BAZ1A: variants seen among roughly 807,000 people sequenced by gnomAD.
BAZ1A encodes the protein bromodomain adjacent to zinc finger domain 1A, also known as bromodomain adjacent to zinc finger domain protein 1A.
BAZ1A carries 50 observed loss-of-function variants against 185.2 expected under a neutral mutation model. That is an observed-to-expected ratio of 0.27 (90% CI 0.22 to 0.34). The LOEUF is 0.34. BAZ1A is among the 10% of genes least tolerant of loss of function. The pLI is 1.00. For synonymous variants in BAZ1A, 571 were observed against 615.6 expected, an observed-to-expected ratio of 0.93 and a Z score of 1.07; for missense variants, 1,356 against 1,839.9, an observed-to-expected ratio of 0.74 and a Z score of 4.81.
intron 16 of BAZ1A, 76 bp downstream of exon 16, chr14:34,783,043 T>G: frequency 8.7e-7 from 1 of 1,147,584 alleles, no homozygotes; most frequent in Non-Finnish European, 1.3e-6. Context: ...TGTGAAAGCA[T>G]TTTTAGAGTT....
intron 23 of BAZ1A, among the ~76,000 whole-genome samples, chr14:34,763,840 T>C (rs1228493937): frequency 1.3e-5 from 2 of 152,234 alleles, no homozygotes; most frequent in Non-Finnish European, 2.9e-5. Context: ...GTAAACATAA[T>C]TTTTATATGC....
rs1879208167 is a variant in BAZ1A, at chr14:34,771,422, A to T, written c.3301+89T>A. On this transcript the variant is annotated intron_variant, in intron 21 of 26. Coordinates refer to ENST00000360310, the MANE Select transcript of BAZ1A (RefSeq NM_013448.3). Reference sequence around the variant, plus strand: ...AGTTTTTAAGATTATCAATTTCATTATGTCAGCCAATAAAGTTCTATTAGT... The same window carrying T: ...AGTTTTTAAGATTATCAATTTCATTTTGTCAGCCAATAAAGTTCTATTAGT... The T allele has an allele frequency of 5.7e-6, 7 of 1,227,824 alleles. No individual in the cohort carries two copies. In the East Asian group the frequency reaches 1.7e-4, roughly 30 times the overall value. 76.1% of individuals were successfully genotyped at this position (1,227,824 alleles called of 1,614,324 possible). A position where few individuals can be genotyped will look rare whatever the true frequency, so the allele number is the denominator to read the frequency against.
chr14:34,801,223 G>T (rs764066511), intron 7 of BAZ1A, 30 bp from the exon 8 acceptor site: 1 of 1,485,024 alleles, frequency 6.7e-7, no homozygotes, highest in Non-Finnish European at 9.2e-7. Flanking sequence ...AGTATGCCTG[G>T]TTCTTATAGT....
intron 3 of BAZ1A, 72 bp downstream of exon 3, chr14:34,861,972 C>A: frequency 2.0e-6 from 3 of 1,515,986 alleles, no homozygotes; most frequent in Non-Finnish European, 2.7e-6. Flanking sequence ...CTTAGGTCAC[C>A]ACTTTGTGTG....
intron 4 of BAZ1A, chr14:34,816,592 T>A (rs1219840479): frequency 5.8e-6 from 1 of 172,544 alleles, no homozygotes; most frequent in Non-Finnish European, 1.3e-5. Flanking sequence ...AGCAGCCTGA[T>A]AGCTTTAAAT....
At chr14:34,844,789 A>G (rs1052548258) in intron 3 of BAZ1A, among the ~76,000 whole-genome samples, 16 of 146,838 alleles carry the variant, frequency 1.1e-4, no homozygotes, top group Middle Eastern at 3.5e-3. Context: ...ACACACACAC[A>G]CACACACACA....
chr14:34,758,658 A>T, intron 25 of BAZ1A, 46 bp downstream of exon 25: 2 of 1,586,440 alleles, frequency 1.3e-6, no homozygotes, highest in South Asian at 1.1e-5. Flanking sequence ...ACGTGGACTA[A>T]ATCAGATAAT....
chr14:34,873,161 C>G lies in BAZ1A; in HGVS notation c.113+1331G>C, dbSNP rs1180305725. Among the ~76,000 whole-genome samples, 3 of 152,086 alleles carry G rather than the reference C, an allele frequency of 2.0e-5. No homozygotes were observed. The South Asian group carries it at 6.2e-4, about 31-fold the overall frequency. On this transcript the variant is annotated intron_variant, in intron 2 of 26. Transcript: ENST00000360310. ...TACTTAAAATAAATGCTCAAAGGAA[C>G]TTTTCTAACCTCACTATTCATTTCT...
rs141903973 is a variant in BAZ1A at position 34,812,876 on chromosome 14, C to T, written c.537-1840G>A. On this transcript the variant is annotated intron_variant, in intron 4 of 26. Transcript: ENST00000360310. ...TAGCATTAAATTCTAAGTTGGAAGGCCAAGTATCTTTACACTAAGACTCAG... is the reference window on the plus strand; with the variant it reads ...TAGCATTAAATTCTAAGTTGGAAGGTCAAGTATCTTTACACTAAGACTCAG... Among the ~76,000 whole-genome samples, 933 of 151,596 alleles carry T rather than the reference C, an allele frequency of 6.2e-3. 17 individuals carry two copies. Among genetic ancestry groups the T allele is most frequent in the African/African-American group, 0.022 (901 of 41,342 alleles).
chr14:34,847,347 G>A (rs1223467453), intron 3 of BAZ1A, among the ~76,000 whole-genome samples: 1 of 151,476 alleles, frequency 6.6e-6, no homozygotes, highest in Non-Finnish European at 1.5e-5. Context: ...TTTATCTTAC[G>A]AATTCAGTAG....
intron 3 of BAZ1A, among the ~76,000 whole-genome samples, chr14:34,843,927 C>T (rs1484162340): frequency 3.3e-5 from 5 of 152,052 alleles, no homozygotes; most frequent in African/African-American, 4.8e-5. Context: ...TAAACACGGC[C>T]GGGCGCGGTG....
At chr14:34,796,688 A>AT (rs1881218202) in intron 9 of BAZ1A, among the ~76,000 whole-genome samples, 1 of 152,112 alleles carries the variant, frequency 6.6e-6, no homozygotes, top group South Asian at 2.1e-4. Flanking sequence ...ATATTTTACT[A>AT]TTTTTTCCAG....
At chr14:34,835,496 T>C (rs1308578602) in intron 3 of BAZ1A, among the ~76,000 whole-genome samples, 1 of 151,900 alleles carries the variant, frequency 6.6e-6, no homozygotes, top group Non-Finnish European at 1.5e-5. Flanking sequence ...GGAAACATTA[T>C]GTTGACCCAA....
chr14:34,838,606 C>T (rs1188671644), intron 3 of BAZ1A, among the ~76,000 whole-genome samples: 1 of 151,756 alleles, frequency 6.6e-6, no homozygotes, highest in Non-Finnish European at 1.5e-5. Flanking sequence ...ACTGCAACCT[C>T]CTCCGCCTCC....
At chr14:34,753,757 AAATAT>A (rs1886119596) in intron 26 of BAZ1A, 53 bp from the exon 27 acceptor site, 27 of 1,336,134 alleles carry the variant, frequency 2.0e-5, no homozygotes, top group Non-Finnish European at 2.7e-5. Flanking sequence ...AAATTATAAT[AAATAT>A]AATTCTTGTA....
chr14:34,827,976 T>G (rs1259609803), intron 3 of BAZ1A, among the ~76,000 whole-genome samples: 1 of 152,016 alleles, frequency 6.6e-6, no homozygotes, highest in Non-Finnish European at 1.5e-5. Flanking sequence ...GCCATGATTT[T>G]AGACTCATTC....
intron 2 of BAZ1A, among the ~76,000 whole-genome samples, chr14:34,869,176 T>C (rs1000644118): frequency 1.1e-4 from 17 of 151,700 alleles, no homozygotes; most frequent in Non-Finnish European, 1.8e-4. Context: ...GACTGCACTC[T>C]AGCCTGGGTG....
intron 4 of BAZ1A, among the ~76,000 whole-genome samples, chr14:34,819,110 C>T (rs891873473): frequency 3.7e-5 from 5 of 135,590 alleles, no homozygotes; most frequent in East Asian, 2.1e-4. Flanking sequence ...CACTGCACTC[C>T]GACCTGGGCG....
chr14:34,833,128 G>C (rs898021471), intron 3 of BAZ1A, among the ~76,000 whole-genome samples: 1 of 152,124 alleles, frequency 6.6e-6, no homozygotes, highest in Non-Finnish European at 1.5e-5. Flanking sequence ...AGTGGTCCCA[G>C]CTGCTAGGGA....
Sources: allele counts gnomAD v4.1 joint callset (sites outside exome capture counted in the v4.1 genomes callset), GRCh38; gene constraint gnomAD v4.1.1; transcripts MANE v1.5; gene names NCBI Gene and HGNC (gene_info 2026-07-23, HGNC 2026-07-21).